The following EML5 variants were observed in gnomAD, a reference collection of about 807,000 sequenced individuals.
EML5 encodes the protein echinoderm microtubule-associated protein-like 5.
A neutral mutation model predicts 250.0 loss-of-function variants in EML5; 120 were observed. The ratio of observed to expected loss-of-function variants is 0.48; its 90% CI spans 0.41 to 0.56. EML5 has a LOEUF of 0.56. EML5 is among the 20% of genes least tolerant of loss of function. The pLI is 0.00. For synonymous variants in EML5, 771 were observed against 806.5 expected (o/e 0.96, Z 0.75); for missense variants, 2,006 against 2,437.6 (o/e 0.82, Z 3.73).
At chr14:88,786,387 T>G (rs2094551371) in intron 1 of EML5, among the ~76,000 whole-genome samples, 1 of 152,232 alleles carries the variant, frequency 6.6e-6, no homozygotes, top group African/African-American at 2.4e-5. Flanking sequence ...GGGTGGGCAA[T>G]TTTATCTGTT....
At chr14:88,616,662 G>A in intron 42 of EML5, 64 bp downstream of exon 42, 6 of 1,430,966 alleles carry the variant, frequency 4.2e-6, no homozygotes, top group Non-Finnish European at 5.7e-6. Context: ...ATGGGGAAAA[G>A]TGCTGATGAT....
rs141724580 is a variant in EML5, at chr14:88,740,899, A to C, written c.526-327T>G. Among the ~76,000 whole-genome samples, 705 of 152,360 alleles carry C rather than the reference A, an allele frequency of 4.6e-3. 5 individuals carry two copies. Among genetic ancestry groups the C allele is most frequent in the Non-Finnish European group, 7.6e-3 (517 of 68,036 alleles). On this transcript the variant is annotated intron_variant, in intron 4 of 43. Transcript: ENST00000554922. ...TAGATTAAGCCAGGCACAGTGGCTCATGCCTGTAATCCCAGCATTTTGGGA... is the reference window on the plus strand; with the variant it reads ...TAGATTAAGCCAGGCACAGTGGCTCCTGCCTGTAATCCCAGCATTTTGGGA...
chr14:88,615,906 A>T, intron 43 of EML5, 52 bp from the exon 44 acceptor site: 4 of 1,567,534 alleles, frequency 2.6e-6, no homozygotes, highest in South Asian at 2.4e-5. Flanking sequence ...TTAGATTTTC[A>T]TAACAGTTTA....
At chr14:88,777,472 A>G (rs1245276541) in intron 1 of EML5, among the ~76,000 whole-genome samples, 1 of 152,202 alleles carries the variant, frequency 6.6e-6, no homozygotes. Flanking sequence ...TTAATGAGCA[A>G]TAAGTAATCC....
chr14:88,726,450 A>G (rs1448650227), intron 8 of EML5, 91 bp downstream of exon 8: 1 of 1,078,494 alleles, frequency 9.3e-7, no homozygotes, highest in East Asian at 2.8e-5. Context: ...AACAACAAGT[A>G]TTATATATTC....
intron 4 of EML5, among the ~76,000 whole-genome samples, chr14:88,742,844 G>GA (rs2093944107): frequency 6.6e-6 from 1 of 152,068 alleles, no homozygotes; most frequent in African/African-American, 2.4e-5. Flanking sequence ...CAGCAGCAGT[G>GA]AAAGATGCAC....
chr14:88,644,522 G>A lies in EML5; in HGVS notation c.4029-11C>T. The A allele has an allele frequency of 1.2e-6, 2 of 1,613,424 alleles. No individual in the cohort carries two copies. Among genetic ancestry groups the A allele is most frequent in the Non-Finnish European group, 1.7e-6 (2 of 1,179,568 alleles). Reference sequence around the variant, plus strand: ...CTGCTCACTGGAGGCCTGCAACAGAGAAGTGGGGAGGAGGAAAGGCATGCA... The same window carrying A: ...CTGCTCACTGGAGGCCTGCAACAGAAAAGTGGGGAGGAGGAAAGGCATGCA... On this transcript the variant is annotated splice_polypyrimidine_tract_variant and intron_variant, in intron 29 of 43. Coordinates refer to ENST00000554922, the MANE Select transcript of EML5 (RefSeq NM_183387.3).
At position 88,658,280 on chromosome 14, in the gene EML5, A is replaced by T; in HGVS notation, c.3784T>A (p.Ser1262Thr). Residue 1262 changes from serine to threonine, a missense_variant, in exon 26 of 44, where the codon TCT (serine) becomes ACT (threonine). Ser to Thr is a moderately conservative substitution (Grantham distance 58). Transcript: ENST00000554922. ...ATCTCATTTGTCCACACCATTAAAG[A>T]CATATCTGTACCGCCTAGGGTAACC... ...MLVTLGGTDM[S>T]LMVWTNEMEG... The T allele has an allele frequency of 6.2e-7, 1 of 1,613,866 alleles. No homozygotes were observed. The highest frequency in any genetic ancestry group is 1.3e-5 in the African/African-American group (1 of 75,030).
rs566244548 is a variant in EML5 at position 88,644,192 on chromosome 14, C to T, written c.4107+241G>A. On this transcript the variant is annotated intron_variant, in intron 30 of 43. Coordinates refer to ENST00000554922, the MANE Select transcript of EML5 (RefSeq NM_183387.3). ...TTCACACATACTTAGGTTTAGGACT[C>T]CTCTGAGATACAGTTCAATTAGGGT... 1.3e-3 allele frequency among the ~76,000 whole-genome samples: 205 copies of T among 152,212 alleles called. 2 individuals carry two copies. Among genetic ancestry groups the T allele is most frequent in the Non-Finnish European group, 1.8e-3 (121 of 68,018 alleles).
intron 2 of EML5, among the ~76,000 whole-genome samples, chr14:88,751,513 TTTTG>T (rs2094094361): frequency 6.6e-6 from 1 of 151,958 alleles, no homozygotes; most frequent in Admixed American, 6.6e-5. Flanking sequence ...AAGAGTTTTT[TTTTG>T]TTTGTTGGTT....
At chr14:88,639,535 T>C (rs1014242489) in intron 31 of EML5, among the ~76,000 whole-genome samples, 1 of 152,046 alleles carries the variant, frequency 6.6e-6, no homozygotes, top group Non-Finnish European at 1.5e-5. Flanking sequence ...CCATATTGAG[T>C]CACATTTTAT....
chr14:88,787,527 T>C (rs61982737), intron 1 of EML5, among the ~76,000 whole-genome samples: 7 of 152,192 alleles, frequency 4.6e-5, no homozygotes, highest in African/African-American at 1.7e-4. Flanking sequence ...GTAAATCTAA[T>C]AATCTGGCTT....
intron 27 of EML5, among the ~76,000 whole-genome samples, chr14:88,655,138 T>C (rs1018564522): frequency 6.6e-6 from 1 of 152,124 alleles, no homozygotes; most frequent in African/African-American, 2.4e-5. Flanking sequence ...GTAAATTTCA[T>C]ATGAAACTAA....
In EML5 at chr14:88,714,993, T is replaced by C. The variant is rs2093468985; in HGVS notation, c.1390A>G (p.Arg464Gly). 1 of 1,613,580 alleles carries C rather than the reference T, an allele frequency of 6.2e-7. No homozygotes were observed. The highest frequency in any genetic ancestry group is 1.7e-5 in the Admixed American group (1 of 59,984). ...ITHLDWSSDS[R>G]YLQTNDGNGK... ...TTTCCATCATTTGTCTGCAAATATC[T>C]ACTGTCTGAAGACCAGTCCAGATGA... is the stretch of plus-strand genomic sequence containing the variant. The change falls in exon 9 of 44, where the codon AGA becomes GGA. Residue 464 changes from arginine (R) to glycine (G), a missense_variant. Around this residue, in one of 7 missense-constraint regions of EML5, gnomAD observed 1,375 missense variants for 1,590.3 expected, o/e 0.86. Transcript: ENST00000554922.
intron 2 of EML5, among the ~76,000 whole-genome samples, chr14:88,750,240 C>G (rs1162146847): frequency 6.6e-6 from 1 of 152,128 alleles, no homozygotes; most frequent in Non-Finnish European, 1.5e-5. Context: ...AATTATTTAG[C>G]CTCCCTGTAC....
At chr14:88,759,332 C>T (rs1023258728) in intron 1 of EML5, among the ~76,000 whole-genome samples, 1 of 151,974 alleles carries the variant, frequency 6.6e-6, no homozygotes, top group Non-Finnish European at 1.5e-5. Context: ...GTTTTCTCAC[C>T]TTCAAAAAGG....
chr14:88,628,107 A>C (rs1241186125), intron 33 of EML5: 1 of 433,154 alleles, frequency 2.3e-6, no homozygotes, highest in Non-Finnish European at 4.3e-6. Context: ...TCTCAACTTT[A>C]AACAATTCAA....
intron 27 of EML5, among the ~76,000 whole-genome samples, 187 bp downstream of exon 27, chr14:88,657,189 C>T (rs887188841): frequency 1.3e-5 from 2 of 152,110 alleles, no homozygotes; most frequent in Admixed American, 6.6e-5. Context: ...GACAAGGTCT[C>T]ACTACATCAC....
intron 19 of EML5, among the ~76,000 whole-genome samples, chr14:88,686,648 C>T (rs922288987): frequency 7.2e-5 from 11 of 151,986 alleles, no homozygotes; most frequent in Non-Finnish European, 1.5e-4. Flanking sequence ...CCTGGCTGCA[C>T]AAAAATTTGA....
Sources: allele counts gnomAD v4.1 joint callset (sites outside exome capture counted in the v4.1 genomes callset), GRCh38; gene constraint gnomAD v4.1.1; regional missense constraint gnomAD v4.1.1; transcripts MANE v1.5; gene names NCBI Gene and HGNC (gene_info 2026-07-23, HGNC 2026-07-21).